Variants in FGGY observed in about 807,000 individuals in gnomAD.
FGGY encodes FGGY carbohydrate kinase domain containing.
A neutral mutation model predicts 71.3 loss-of-function variants in FGGY; 72 were observed. That is an observed-to-expected ratio of 1.01 (90% CI 0.84 to 1.23). The LOEUF is 1.23. FGGY is among the 50% of genes most tolerant of loss of function. The pLI, the probability that FGGY is intolerant of heterozygous loss-of-function variation, is 0.00. For synonymous variants in FGGY, 251 were observed against 250.3 expected, an observed-to-expected ratio of 1.00 and a Z score of -0.02; for missense variants, 668 against 682.3, an observed-to-expected ratio of 0.98 and a Z score of 0.23.
chr1:59,667,433 C>CT, intron 13 of FGGY, 30 bp downstream of exon 13: 1 of 1,609,566 alleles, frequency 6.2e-7, no homozygotes, highest in African/African-American at 1.3e-5. Flanking sequence ...GAGAAGGTCA[C>CT]TTTTTGGCTT....
intron 8 of FGGY, among the ~76,000 whole-genome samples, chr1:59,607,392 T>G (rs2096633911): frequency 6.6e-6 from 1 of 152,118 alleles, no homozygotes; most frequent in African/African-American, 2.4e-5. Flanking sequence ...TCTGCCTCAT[T>G]CTCTTGGCAA....
Position 59,496,076 on chromosome 1 carries a change from T to C in FGGY, c.671-16235T>C, listed in dbSNP as rs187261920. On this transcript the variant is annotated intron_variant, in intron 6 of 15. Transcript: ENST00000303721. Reference sequence around the variant, plus strand: ...TGAATCTGTAAATTACTTTGGGCAGTATGGCCATTTTAATAATATTGATTC... The same window carrying C: ...TGAATCTGTAAATTACTTTGGGCAGCATGGCCATTTTAATAATATTGATTC... Among the ~76,000 whole-genome samples the C allele has an allele frequency of 1.8e-4, 28 of 152,348 alleles. 1 individual carries two copies. In the East Asian group the frequency reaches 5.0e-3, roughly 27 times the overall value.
At chr1:59,651,074 T>A (rs2097154622) in intron 11 of FGGY, among the ~76,000 whole-genome samples, 1 of 151,590 alleles carries the variant, frequency 6.6e-6, no homozygotes, top group South Asian at 2.1e-4. Context: ...AGTGAGATTC[T>A]TAATCCTGAG....
chr1:59,365,121 A>T (rs77188786), intron 4 of FGGY, among the ~76,000 whole-genome samples: 1 of 152,064 alleles, frequency 6.6e-6, no homozygotes, highest in East Asian at 1.9e-4. Flanking sequence ...TTTGAATTGG[A>T]GTTTCAGATT....
intron 8 of FGGY, among the ~76,000 whole-genome samples, chr1:59,581,869 T>C (rs1283433521): frequency 6.7e-6 from 1 of 150,036 alleles, no homozygotes; most frequent in Non-Finnish European, 1.5e-5. Context: ...TATTAGAGCT[T>C]AAGTGATCTT....
intron 2 of FGGY, among the ~76,000 whole-genome samples, chr1:59,336,040 G>C (rs1251851843): frequency 1.3e-5 from 2 of 152,014 alleles, no homozygotes; most frequent in East Asian, 1.9e-4. Context: ...GGTCTTGCTT[G>C]CTTTTTATAA....
chr1:59,457,528 T>C (rs1203545145), intron 6 of FGGY, among the ~76,000 whole-genome samples: 1 of 152,088 alleles, frequency 6.6e-6, no homozygotes. Context: ...GGGGGATTGC[T>C]TGAGCCTGGG....
intron 10 of FGGY, among the ~76,000 whole-genome samples, chr1:59,631,729 A>T (rs1228233638): frequency 6.6e-6 from 1 of 152,192 alleles, no homozygotes; most frequent in Non-Finnish European, 1.5e-5. Context: ...TATACTCTTG[A>T]TTTACAATAA....
At chr1:59,301,702 C>T (rs1393938077) in intron 1 of FGGY, among the ~76,000 whole-genome samples, 11 of 121,932 alleles carry the variant, frequency 9.0e-5, no homozygotes, top group African/African-American at 3.3e-4. Context: ...CTGTTGTGAT[C>T]ATTCTTTTTT....
chr1:59,602,374 T>C (rs1260294946), intron 8 of FGGY, among the ~76,000 whole-genome samples: 2 of 152,238 alleles, frequency 1.3e-5, no homozygotes, highest in Non-Finnish European at 2.9e-5. Flanking sequence ...CTGTAGCATA[T>C]GATAAATGCA....
intron 4 of FGGY, among the ~76,000 whole-genome samples, chr1:59,372,897 A>G (rs1260218099): frequency 1.3e-5 from 2 of 152,290 alleles, no homozygotes; most frequent in East Asian, 3.9e-4. Flanking sequence ...TTAGGTATTG[A>G]TGGGACATAT....
chr1:59,467,704 AT>A (rs1486059392), intron 6 of FGGY, among the ~76,000 whole-genome samples: 1 of 152,198 alleles, frequency 6.6e-6, no homozygotes, highest in Non-Finnish European at 1.5e-5. Flanking sequence ...AATTAAAAAA[AT>A]AATAATAAAA....
chr1:59,758,154 C>T (rs2098310741), intron 15 of FGGY, among the ~76,000 whole-genome samples, 162 bp downstream of exon 15: 1 of 152,184 alleles, frequency 6.6e-6, no homozygotes, highest in Non-Finnish European at 1.5e-5. Flanking sequence ...CCTTCACTTA[C>T]CTAAGGCTGC....
chr1:59,607,434 G>A (rs1338515518), intron 8 of FGGY, among the ~76,000 whole-genome samples: 1 of 152,156 alleles, frequency 6.6e-6, no homozygotes, highest in Non-Finnish European at 1.5e-5. Flanking sequence ...AGATTGAAGG[G>A]GTAGGGAGAT....
At chr1:59,496,254 T>G (rs1003206181) in intron 6 of FGGY, among the ~76,000 whole-genome samples, 8 of 152,078 alleles carry the variant, frequency 5.3e-5, no homozygotes, top group African/African-American at 1.9e-4. Flanking sequence ...CTATTCAAAA[T>G]AGCAAAGACA....
chr1:59,558,957 T>C lies in FGGY; in HGVS notation c.903+4730T>C, dbSNP rs190234288. Among the ~76,000 whole-genome samples, 14 of 152,342 alleles carry C rather than the reference T, an allele frequency of 9.2e-5. No individual in the cohort carries two copies. The East Asian group carries it at 2.7e-3, about 29-fold the overall frequency. Reference sequence around the variant, plus strand: ...TAGGCTGTCTGCAAGAAGAAAAATATGGCTCTTTTTGCCCGACCCCACAGG... The same window carrying C: ...TAGGCTGTCTGCAAGAAGAAAAATACGGCTCTTTTTGCCCGACCCCACAGG... On this transcript the variant is annotated intron_variant, in intron 8 of 15. Transcript: ENST00000303721.
At chr1:59,525,271 C>T (rs1239813774) in intron 7 of FGGY, among the ~76,000 whole-genome samples, 3 of 152,224 alleles carry the variant, frequency 2.0e-5, no homozygotes, top group Non-Finnish European at 4.4e-5. Flanking sequence ...GCCTGGGTCA[C>T]CCTTGGTAGG....
intron 5 of FGGY, among the ~76,000 whole-genome samples, chr1:59,379,718 T>G (rs1015997805): frequency 3.3e-5 from 5 of 152,216 alleles, no homozygotes; most frequent in African/African-American, 1.2e-4. Flanking sequence ...GACTTTTTTG[T>G]AATAACACTT....
chr1:59,590,733 C>G (rs2096415887), intron 8 of FGGY, among the ~76,000 whole-genome samples: 1 of 152,184 alleles, frequency 6.6e-6, no homozygotes. Context: ...TGACAAAATT[C>G]AACAACGCCT....
Sources: allele counts gnomAD v4.1 joint callset (sites outside exome capture counted in the v4.1 genomes callset), GRCh38; gene constraint gnomAD v4.1.1; transcripts MANE v1.5; gene names NCBI Gene and HGNC (gene_info 2026-07-23, HGNC 2026-07-21).